N4BP2: variants seen among roughly 807,000 people sequenced by gnomAD.
N4BP2 encodes NEDD4-binding protein 2.
Under a neutral mutation model 152.8 loss-of-function variants are expected in N4BP2, and 91 were observed. That is an observed-to-expected ratio of 0.60 (90% CI 0.50 to 0.71). The LOEUF (loss-of-function observed/expected upper bound fraction) is 0.71. N4BP2 is among the 30% of genes least tolerant of loss of function. The pLI is 0.00. For missense variants in N4BP2, 1,923 were observed against 2,059.1 expected, an observed-to-expected ratio of 0.93 and a Z score of 1.28; for synonymous variants, 646 against 705.3, an observed-to-expected ratio of 0.92 and a Z score of 1.33.
intron 7 of N4BP2, 56 bp downstream of exon 7, chr4:40,113,564 C>A: frequency 2.4e-6 from 3 of 1,226,252 alleles, no homozygotes; most frequent in South Asian, 1.2e-5. Context: ...CAGACAAGGT[C>A]CGTTTAGATT....
At chr4:40,165,208 T>A in the N4BP2 span, among the ~76,000 whole-genome samples, 6 of 152,156 alleles carry the variant, frequency 3.9e-5, no homozygotes, top group African/African-American at 7.2e-5. Flanking sequence ...TTCCTGTGAT[T>A]TTATTGTAAG....
chr4:40,106,985 A>C lies in N4BP2; in HGVS notation c.1459A>C (p.Lys487Gln). The change falls in exon 5 of 18, where the codon AAG becomes CAG. Residue 487 changes from lysine to glutamine, a missense_variant. Lys to Gln is a moderately conservative substitution (Grantham distance 53, BLOSUM62 1). Transcript: ENST00000261435. ...YINGQYQFDV[K>Q]YLGEAHEWNQ... ...AAATGGACAGTACCAGTTTGATGTA[A>C]AGTACTTAGGAGAAGCACATGAATG... 1.2e-6 allele frequency: 2 copies of C among 1,613,744 alleles called. No individual in the cohort carries two copies.
the N4BP2 span, among the ~76,000 whole-genome samples, chr4:40,183,500 T>G: frequency 6.6e-6 from 1 of 152,088 alleles, no homozygotes; most frequent in Non-Finnish European, 1.5e-5. Flanking sequence ...CGTGCCCAGC[T>G]AATTTTTTTG....
rs374695987 is a variant in N4BP2 at position 40,121,611 on chromosome 4, G to C, written c.3500G>C (p.Gly1167Ala). The C allele has an allele frequency of 6.2e-7, 1 of 1,613,976 alleles. No individual in the cohort carries two copies. Among genetic ancestry groups the C allele is most frequent in the East Asian group, 2.2e-5 (1 of 44,884 alleles). Residue 1167 changes from glycine (G) to alanine (A), a missense_variant, in exon 9 of 18, where the codon GGA becomes GCA. Gly to Ala is a moderately conservative substitution (Grantham distance 60). Coordinates refer to ENST00000261435, the MANE Select transcript of N4BP2 (RefSeq NM_018177.6). ...LNLKEIISQR[G>A]TLENSNSPVP... ...TTGAAAGAAATTATTAGCCAAAGAG[G>C]AACTTTAGAGAATTCTAATTCTCCT...
chr4:40,063,339 T>C (rs375186742), intron 1 of N4BP2, among the ~76,000 whole-genome samples: 3 of 152,232 alleles, frequency 2.0e-5, no homozygotes, highest in South Asian at 4.1e-4. Flanking sequence ...TCCGTACTTA[T>C]ACTCTGTGCA....
At chr4:40,178,895 A>T in the N4BP2 span, among the ~76,000 whole-genome samples, 1 of 151,908 alleles carries the variant, frequency 6.6e-6, no homozygotes, top group Non-Finnish European at 1.5e-5. Flanking sequence ...AACCTGGCTG[A>T]GTTTTTGCAG....
At chr4:40,113,549 A>G (rs1217607396) in intron 7 of N4BP2, 41 bp downstream of exon 7, 25 of 1,353,396 alleles carry the variant, frequency 1.8e-5, no homozygotes, top group Non-Finnish European at 2.5e-5. Context: ...TTATGTAACG[A>G]CAGACAGACA....
intron 14 of N4BP2, 97 bp from the exon 15 acceptor site, chr4:40,142,576 C>A: frequency 2.7e-6 from 2 of 753,930 alleles, no homozygotes; most frequent in Non-Finnish European, 4.3e-6. Flanking sequence ...TGAAAATATA[C>A]GACAGCCCAG....
chr4:40,163,404 C>T, the N4BP2 span, among the ~76,000 whole-genome samples: 1 of 152,220 alleles, frequency 6.6e-6, no homozygotes, highest in Non-Finnish European at 1.5e-5. Context: ...TCTGTAGCTC[C>T]TGCAGGTGAA....
chr4:40,176,293 G>T, the N4BP2 span, among the ~76,000 whole-genome samples: 2 of 152,114 alleles, frequency 1.3e-5, no homozygotes, highest in Non-Finnish European at 2.9e-5. Context: ...GTTCTAAAAA[G>T]AAATAGTTAC....
intron 1 of N4BP2, 67 bp from the exon 2 acceptor site, chr4:40,073,388 C>G (rs926421852): frequency 6.6e-6 from 1 of 151,766 alleles, no homozygotes; most frequent in Admixed American, 6.6e-5. Flanking sequence ...ACATTTTTGA[C>G]TTTGATTTCT....
At position 40,142,769 on chromosome 4, in the gene N4BP2, C is replaced by T. The variant is rs1252481236; in HGVS notation, c.4882C>T (p.Leu1628Phe). Residue 1628 changes from leucine to phenylalanine, a missense_variant, in exon 15 of 18, where the codon CTT becomes TTT. By Grantham distance (22) the Leu-to-Phe change is conservative (BLOSUM62 0). Coordinates refer to ENST00000261435, the MANE Select transcript of N4BP2 (RefSeq NM_018177.6). ...TGATGACTACAGAGCAGAGGCTTTC[C>T]TTCACCAACAGAAGAGGATGGAGTG... ...DYDDYRAEAF[L>F]HQQKRMECYS... 1.2e-6 allele frequency: 2 copies of T among 1,614,092 alleles called. No homozygotes were observed. The highest frequency in any genetic ancestry group is 1.3e-5 in the African/African-American group (1 of 75,046).
At chr4:40,095,653 A>G (rs780760113) in intron 2 of N4BP2, among the ~76,000 whole-genome samples, 8 of 152,196 alleles carry the variant, frequency 5.3e-5, no homozygotes, top group Non-Finnish European at 1.0e-4. Context: ...GGCAATGGAT[A>G]GTTAGCAGGA....
At chr4:40,124,303 AC>A in intron 11 of N4BP2, 98 bp downstream of exon 11, 1 of 726,098 alleles carries the variant, frequency 1.4e-6, no homozygotes, top group Non-Finnish European at 2.3e-6. Context: ...AAAATACGGT[AC>A]CCACAAATTT....
chr4:40,162,936 G>A (rs555287937), downstream of N4BP2, among the ~76,000 whole-genome samples: 227 of 152,238 alleles, frequency 1.5e-3, no homozygotes, highest in Non-Finnish European at 2.6e-3. Flanking sequence ...AAATCCAAGG[G>A]GAGAGGACCC....
At chr4:40,081,232 A>G (rs1162638917) in intron 2 of N4BP2, among the ~76,000 whole-genome samples, 3 of 152,198 alleles carry the variant, frequency 2.0e-5, no homozygotes, top group African/African-American at 7.2e-5. Context: ...AAAATCACCT[A>G]TGATTCTATT....
chr4:40,129,242 T>C (rs1035742996), intron 12 of N4BP2, among the ~76,000 whole-genome samples: 15 of 152,002 alleles, frequency 9.9e-5, no homozygotes, highest in Admixed American at 7.9e-4. Context: ...TTTTGTTTTT[T>C]TTGAGACAGA....
chr4:40,178,956 T>C, the N4BP2 span, among the ~76,000 whole-genome samples: 1 of 152,152 alleles, frequency 6.6e-6, no homozygotes, highest in Non-Finnish European at 1.5e-5. Context: ...TCATTTTCTG[T>C]CTTTGTGGTT....
At chr4:40,125,242 C>T (rs1490338804) in intron 11 of N4BP2, among the ~76,000 whole-genome samples, 1 of 152,230 alleles carries the variant, frequency 6.6e-6, no homozygotes, top group Non-Finnish European at 1.5e-5. Context: ...TGTTTCTTCA[C>T]TCTCTAGGAC....
Sources: allele counts gnomAD v4.1 joint callset (sites outside exome capture counted in the v4.1 genomes callset), GRCh38; gene constraint gnomAD v4.1.1; transcripts MANE v1.5; gene names NCBI Gene and HGNC (gene_info 2026-07-23, HGNC 2026-07-21).